SEC31A: variants seen among roughly 807,000 people sequenced by gnomAD.
SEC31A encodes the protein protein transport protein Sec31A.
A neutral mutation model predicts 151.0 loss-of-function variants in SEC31A; 70 were observed. The observed-to-expected ratio is 0.46, with a 90% CI of 0.38 to 0.57. The LOEUF is 0.57. Among genes scored for constraint, SEC31A ranks in the 20% least tolerant of loss-of-function variants. SEC31A has a pLI of 0.00. For missense variants in SEC31A, 1,330 were observed against 1,471.2 expected, an observed-to-expected ratio of 0.90 and a Z score of 1.57; for synonymous variants, 475 against 505.9, an observed-to-expected ratio of 0.94 and a Z score of 0.82.
intron 22 of SEC31A, among the ~76,000 whole-genome samples, chr4:82,829,756 A>G (rs1725497842): frequency 1.3e-5 from 2 of 152,176 alleles, no homozygotes; most frequent in Admixed American, 1.3e-4. Context: ...AAAAAAAAAC[A>G]CATGCACACT....
rs1385781603 is a variant in SEC31A at position 82,857,622 on chromosome 4, A to G, written c.1702+67T>C. 2.9e-6 allele frequency: 3 copies of G among 1,042,352 alleles called. No homozygotes were observed. In the Admixed American group the frequency reaches 5.4e-5, roughly 19 times the overall value. The allele number at this position is 1,042,352 out of a possible 1,614,324, so 64.6% of individuals were successfully genotyped here. Reference sequence around the variant, plus strand: ...CACCTGACTTGAAGCATTTTAACTTAAATGCAGGAACTATTTGTTTTCCAA... The same window carrying G: ...CACCTGACTTGAAGCATTTTAACTTGAATGCAGGAACTATTTGTTTTCCAA... On this transcript the variant is annotated intron_variant, in intron 15 of 26. Coordinates refer to ENST00000395310, the MANE Select transcript of SEC31A (RefSeq NM_001077207.4).
chr4:82,888,370 AAAACAC>A (rs1282000866), intron 1 of SEC31A, among the ~76,000 whole-genome samples: 15 of 18,196 alleles, frequency 8.2e-4, no homozygotes, highest in Admixed American at 4.3e-3. Context: ...AAAAAAAAAA[AAAACAC>A]ACAAAAAACA....
At chr4:82,847,892 G>A (rs1730590449) in intron 20 of SEC31A, among the ~76,000 whole-genome samples, 1 of 152,178 alleles carries the variant, frequency 6.6e-6, no homozygotes, top group Admixed American at 6.5e-5. Context: ...ACATTCAAAT[G>A]TAATCTATCC....
Position 82,870,420 on chromosome 4 carries a change from T to C in SEC31A, c.787A>G (p.Ile263Val), listed in dbSNP as rs34554214. ...LRVLENHARG[I>V]LAIAWSMADP... ...GCCATGCTCCAAGCAATTGCCAAAA[T>C]CCCCCTATAAAAAACATAAAGGAAC... The change falls in exon 8 of 27, where the codon ATT becomes GTT. Residue 263 changes from isoleucine (I) to valine (V), a missense_variant. Transcript: ENST00000395310. The C allele has an allele frequency of 4.1e-4, 663 of 1,610,406 alleles. 2 individuals carry two copies. The African/African-American group carries it at 8.1e-3, about 20-fold the overall frequency.
intron 16 of SEC31A, among the ~76,000 whole-genome samples, chr4:82,855,428 G>A (rs1270472382): frequency 6.6e-6 from 1 of 152,184 alleles, no homozygotes; most frequent in African/African-American, 2.4e-5. Flanking sequence ...AAGTTCCAGT[G>A]AGAAAGGAAC....
At chr4:82,852,984 C>T (rs7678838) in intron 18 of SEC31A, among the ~76,000 whole-genome samples, 151,885 of 152,326 alleles carry the variant, frequency 1, 75,722 homozygotes, top group Non-Finnish European at 1. Context: ...CGTGCTCCCA[C>T]GAGAATCTAA....
chr4:82,870,330 C>A lies in SEC31A; in HGVS notation c.877G>T (p.Gly293Ter). 6.2e-7 allele frequency: 1 copy of A among 1,612,008 alleles called. No individual in the cohort carries two copies. The highest frequency in any genetic ancestry group is 8.5e-7 in the Non-Finnish European group (1 of 1,178,086). The change falls in exon 8 of 27, where the codon GGA becomes TGA. Residue 293 changes from glycine (G) to a stop codon, truncating the protein, a stop_gained. Coordinates refer to ENST00000395310, the MANE Select transcript of SEC31A (RefSeq NM_001077207.4). LOFTEE classifies it high-confidence loss of function. Reference protein sequence around the residue: ...AKILCSNPNTGEVLYELPTNT... With the variant: ...AKILCSNPNT Reference sequence around the variant, plus strand: ...GACACATTTCCTGCCCATACCTCTCCTGTGTTTGGATTGGAGCAGAGAATC... The same window carrying A: ...GACACATTTCCTGCCCATACCTCTCATGTGTTTGGATTGGAGCAGAGAATC...
At chr4:82,824,955 TATA>T (rs1724205584) in intron 24 of SEC31A, among the ~76,000 whole-genome samples, 1 of 152,200 alleles carries the variant, frequency 6.6e-6, no homozygotes, top group Non-Finnish European at 1.5e-5. Flanking sequence ...CAATATTGTT[TATA>T]ACTGATGGGA....
intron 22 of SEC31A, among the ~76,000 whole-genome samples, chr4:82,835,190 T>C (rs1032832719): frequency 6.6e-6 from 1 of 152,104 alleles, no homozygotes; most frequent in Non-Finnish European, 1.5e-5. Flanking sequence ...CTCTACTTTA[T>C]AGAGACATCC....
At chr4:82,899,961 T>G (rs377015970) in intron 2 of SEC31A, 3 of 152,234 alleles carry the variant, frequency 2.0e-5, no homozygotes, top group African/African-American at 7.2e-5. Context: ...AACTAAGACA[T>G]TGTTCTAAGC....
At chr4:82,827,277 A>T (rs1724825115) in intron 24 of SEC31A, 92 bp downstream of exon 24, 1 of 1,361,714 alleles carries the variant, frequency 7.3e-7, no homozygotes, top group East Asian at 2.3e-5. Context: ...GATGTTTAAT[A>T]ATAATCATGC....
intron 26 of SEC31A, among the ~76,000 whole-genome samples, chr4:82,820,428 A>G (rs1462993062): frequency 6.6e-6 from 1 of 152,222 alleles, no homozygotes; most frequent in East Asian, 1.9e-4. Flanking sequence ...AAATAAAAAG[A>G]AAGTCCCACT....
intron 25 of SEC31A, among the ~76,000 whole-genome samples, chr4:82,824,175 TAGA>T (rs1724030014): frequency 6.6e-6 from 1 of 152,224 alleles, no homozygotes; most frequent in African/African-American, 2.4e-5. Context: ...ACAATAATTA[TAGA>T]AGAACTCCAT....
intron 25 of SEC31A, among the ~76,000 whole-genome samples, chr4:82,822,929 C>T (rs1053627848): frequency 1.3e-5 from 2 of 151,954 alleles, no homozygotes; most frequent in Admixed American, 6.6e-5. Flanking sequence ...GCCGAGATTG[C>T]ACCATTGCAC....
intron 3 of SEC31A, among the ~76,000 whole-genome samples, chr4:82,880,144 T>C (rs370518925): frequency 1.7e-4 from 26 of 148,610 alleles, no homozygotes; most frequent in Admixed American, 1.1e-3. Context: ...GATTGCGCCA[T>C]TGCACTCCAG....
At chr4:82,836,805 A>ATC (rs1458881434) in intron 22 of SEC31A, among the ~76,000 whole-genome samples, 2 of 152,162 alleles carry the variant, frequency 1.3e-5, no homozygotes, top group Non-Finnish European at 2.9e-5. Context: ...AAATATAGTT[A>ATC]GATAGAACTG....
chr4:82,825,900 G>A (rs1247647608), intron 24 of SEC31A, among the ~76,000 whole-genome samples: 1 of 152,174 alleles, frequency 6.6e-6, no homozygotes, highest in Non-Finnish European at 1.5e-5. Flanking sequence ...AAAGGGAAAA[G>A]TGCATAAAGA....
intron 22 of SEC31A, among the ~76,000 whole-genome samples, chr4:82,837,158 C>CATATATATATATATATAT (rs138120291): frequency 7.0e-5 from 3 of 42,672 alleles, no homozygotes; most frequent in Admixed American, 3.3e-4. Flanking sequence ...TAAATTTTAT[C>CATATATATATATATATAT]ATATATATAT....
upstream of SEC31A, among the ~76,000 whole-genome samples, chr4:82,891,538 C>T (rs1209659224): frequency 1.3e-5 from 2 of 152,256 alleles, no homozygotes; most frequent in African/African-American, 2.4e-5. Flanking sequence ...TCGGCAGCCC[C>T]TGGCGACACT....
Sources: gnomAD v4.1 joint callset for allele counts (sites outside exome capture counted in the v4.1 genomes callset) on GRCh38, gnomAD v4.1.1 for gene constraint, MANE v1.5 for transcripts, NCBI Gene and HGNC (gene_info 2026-07-23, HGNC 2026-07-21) for gene names.